COL17A1: variants seen among roughly 807,000 people sequenced by gnomAD.
COL17A1 encodes the protein collagen type XVII alpha 1 chain.
Under a neutral mutation model 218.4 loss-of-function variants are expected in COL17A1, and 181 were observed. That is an observed-to-expected ratio of 0.83 (90% CI 0.73 to 0.94). The LOEUF (loss-of-function observed/expected upper bound fraction) is 0.94, where lower values mean the gene tolerates loss of function less well. COL17A1 is among the 40% of genes least tolerant of loss of function. The pLI is 0.00. For synonymous variants in COL17A1, 721 were observed against 731.0 expected (o/e 0.99, Z 0.22); for missense variants, 1,924 against 1,945.9 (o/e 0.99, Z 0.21).
In COL17A1 at chr10:104,034,625, G is replaced by T; in HGVS notation, c.3762C>A (p.Leu1254=). ...DSFRSELISY[L]TSPDVRSFIV... is the part of the protein sequence containing the mutation. Reference sequence around the variant, plus strand: ...CATCACCGTCGGGGCACCTACTTGTGAGGTAGCTGATCAGCTCGCTCCGGA... The same window carrying T: ...CATCACCGTCGGGGCACCTACTTGTTAGGTAGCTGATCAGCTCGCTCCGGA... Residue 1254 remains leucine (L), a synonymous_variant, in exon 51 of 56, where the codon CTC becomes CTA. Coordinates refer to ENST00000648076, the MANE Select transcript of COL17A1 (RefSeq NM_000494.4). 1 of 1,609,974 alleles carries T rather than the reference G, an allele frequency of 6.2e-7. No homozygotes were observed. Among genetic ancestry groups the T allele is most frequent in the South Asian group, 1.1e-5 (1 of 89,870 alleles).
chr10:104,069,141 C>T (rs1010202555), intron 9 of COL17A1, among the ~76,000 whole-genome samples: 3 of 152,110 alleles, frequency 2.0e-5, no homozygotes, highest in Non-Finnish European at 2.9e-5. Flanking sequence ...AGGAAGACCT[C>T]CTGGGTTAAG....
intron 31 of COL17A1, among the ~76,000 whole-genome samples, chr10:104,047,365 C>T (rs765129782): frequency 2.6e-5 from 4 of 152,202 alleles, no homozygotes; most frequent in East Asian, 3.9e-4. Context: ...AGCAAGATAG[C>T]GAGGTGACCT....
rs1032376837 is a variant in COL17A1, at chr10:104,079,921, C to A, written c.52+701G>T. 1.0e-4 allele frequency among the ~76,000 whole-genome samples: 8 copies of A among 79,886 alleles called. No individual in the cohort carries two copies. The East Asian group carries it at 2.0e-3, about 20-fold the overall frequency. The allele number at this position is 79,886 out of a possible 152,430, so 52.4% of individuals were successfully genotyped here. On this transcript the variant is annotated intron_variant, in intron 2 of 55. Transcript: ENST00000648076. Reference sequence around the variant, plus strand: ...CAGCCTGGGCAACAGAGCAAGACTCCGTCTCAAAAAAAAAAAAAAAGGAAA... The same window carrying A: ...CAGCCTGGGCAACAGAGCAAGACTCAGTCTCAAAAAAAAAAAAAAAGGAAA...
chr10:104,058,140 AC>A lies in COL17A1; in HGVS notation c.1267+5del. 6.2e-7 allele frequency: 1 copy of A among 1,614,128 alleles called. No homozygotes were observed. Among genetic ancestry groups the A allele is most frequent in the Non-Finnish European group, 8.5e-7 (1 of 1,180,028 alleles). Reference sequence around the variant, plus strand: ...TGTCACTGCAGGGTTCGCGGTTCTCACCCACCTGCAGTGGTGGTCTTGCCCT... The same window carrying A: ...TGTCACTGCAGGGTTCGCGGTTCTCACCACCTGCAGTGGTGGTCTTGCCCT... On this transcript the variant is annotated splice_donor_5th_base_variant and intron_variant, in intron 16 of 55. Transcript: ENST00000648076.
In COL17A1 at chr10:104,032,162, C is replaced by T; in HGVS notation, c.*73G>A. ...ACATTGACAGACTCCAGCTTTCACC[C>T]TCTGGAGACCTTGGACCTAAGTGCC... is the stretch of plus-strand genomic sequence containing the variant. On this transcript the variant is annotated 3_prime_UTR_variant, in exon 56 of 56. Transcript: ENST00000648076. 1.6e-6 allele frequency: 2 copies of T among 1,213,704 alleles called. No individual in the cohort carries two copies. The highest frequency in any genetic ancestry group is 2.4e-6 in the Non-Finnish European group (2 of 817,752). The allele number at this position is 1,213,704 out of a possible 1,614,324, so 75.2% of individuals were successfully genotyped here.
At position 104,070,309 on chromosome 10, in the gene COL17A1, G is replaced by A. The variant is rs1229134734; in HGVS notation, c.607+117C>T. On this transcript the variant is annotated intron_variant, in intron 9 of 55. Coordinates refer to ENST00000648076, the MANE Select transcript of COL17A1 (RefSeq NM_000494.4). ...TGTGCTAGCTGGAATGAGATTTGGT[G>A]GGCCCCAATTTCAAGTCTCACTTTC... 4 of 1,548,092 alleles carry A rather than the reference G, an allele frequency of 2.6e-6. No homozygotes were observed. The African/African-American group carries it at 5.5e-5, about 21-fold the overall frequency.
Position 104,039,102 on chromosome 10 carries a change from C to CCCTGGAACACCTGGATCA in COL17A1, c.2898_2915dup (p.Asp967_Gly972dup). ...AAGGACCACTAGGAATGCCAAGAGC[C>CCCTGGAACACCTGGATCA]CCTGGAACACCTGGATCACCTGGAA... On this transcript the variant is annotated inframe_insertion, in exon 44 of 56. Coordinates refer to ENST00000648076, the MANE Select transcript of COL17A1 (RefSeq NM_000494.4). The CCCTGGAACACCTGGATCA allele has an allele frequency of 6.2e-7, 1 of 1,614,142 alleles. No homozygotes were observed. Among genetic ancestry groups the CCCTGGAACACCTGGATCA allele is most frequent in the East Asian group, 2.2e-5 (1 of 44,884 alleles).
In COL17A1 at chr10:104,038,229, CAT is replaced by C. The variant is rs1342347862; in HGVS notation, c.3070+175_3070+176del. 1.8e-4 allele frequency among the ~76,000 whole-genome samples: 17 copies of C among 94,762 alleles called. No homozygotes were observed. In the East Asian group the frequency reaches 2.7e-3, roughly 15 times the overall value. 62.2% of individuals were successfully genotyped at this position (94,762 alleles called of 152,430 possible). A position where few individuals can be genotyped will look rare whatever the true frequency, so the allele number is the denominator to read the frequency against. Reference sequence around the variant, plus strand: ...ACCTGGGCCTGGACACATAGACACACATACACACACACACACACACACACACA... The same window carrying C: ...ACCTGGGCCTGGACACATAGACACACACACACACACACACACACACACACA... On this transcript the variant is annotated intron_variant, in intron 45 of 55. Transcript: ENST00000648076.
intron 43 of COL17A1, 138 bp from the exon 44 acceptor site, chr10:104,039,259 C>A (rs1471664638): frequency 3.9e-6 from 4 of 1,024,074 alleles, no homozygotes; most frequent in Non-Finnish European, 4.5e-6. Context: ...ACCACAGCTC[C>A]CTTGTACAGA....
At chr10:104,050,024 CCT>C in intron 28 of COL17A1, 63 bp downstream of exon 28, 1 of 1,612,342 alleles carries the variant, frequency 6.2e-7, no homozygotes, top group East Asian at 2.2e-5. Flanking sequence ...TTTTTTCCAA[CCT>C]AGTGACTGAT....
intron 1 of COL17A1, among the ~76,000 whole-genome samples, chr10:104,081,197 T>A (rs536982243): frequency 2.0e-5 from 3 of 152,308 alleles, no homozygotes; most frequent in African/African-American, 7.2e-5. Context: ...TAAATCAGGA[T>A]AAAAATAATT....
intron 48 of COL17A1, among the ~76,000 whole-genome samples, chr10:104,036,189 T>A (rs1589556781): frequency 0.017 from 3 of 178 alleles, no homozygotes; most frequent in East Asian, 0.17. Context: ...TGGAAGTGAG[T>A]GTGTGTGTGT....
At chr10:104,052,780 C>T (rs2086483032) in intron 23 of COL17A1, among the ~76,000 whole-genome samples, 3 of 152,212 alleles carry the variant, frequency 2.0e-5, no homozygotes, top group Admixed American at 1.3e-4. Flanking sequence ...AGGAAGGCCA[C>T]TGCTCCTGTG....
At chr10:104,047,842 T>C in intron 30 of COL17A1, 32 bp from the exon 31 acceptor site, 2 of 1,583,722 alleles carry the variant, frequency 1.3e-6, no homozygotes, top group Non-Finnish European at 1.7e-6. Context: ...TGGAAGTGTT[T>C]ACATTTAGGA....
intron 33 of COL17A1, among the ~76,000 whole-genome samples, chr10:104,044,509 A>G (rs1021885326): frequency 6.6e-6 from 1 of 152,154 alleles, no homozygotes; most frequent in Non-Finnish European, 1.5e-5. Context: ...ACCATTCTTT[A>G]GGGGCCCCTT....
intron 1 of COL17A1, among the ~76,000 whole-genome samples, chr10:104,082,919 C>T (rs374687339): frequency 1.3e-5 from 2 of 152,272 alleles, no homozygotes; most frequent in East Asian, 1.9e-4. Flanking sequence ...AGATGCCCTC[C>T]TTCAGGGCCT....
intron 43 of COL17A1, 54 bp from the exon 44 acceptor site, chr10:104,039,175 T>G (rs1332927241): frequency 6.3e-7 from 1 of 1,576,938 alleles, no homozygotes; most frequent in African/African-American, 1.3e-5. Context: ...CCTTCCCTGG[T>G]TAAGCCAAAC....
intron 48 of COL17A1, among the ~76,000 whole-genome samples, chr10:104,035,966 G>C (rs2086282997): frequency 6.9e-6 from 1 of 144,382 alleles, no homozygotes; most frequent in Admixed American, 7.0e-5. Context: ...ACAGGAGTAT[G>C]GGAGTGTGTT....
chr10:104,067,130 G>T (rs759004877), intron 9 of COL17A1, among the ~76,000 whole-genome samples: 12 of 152,174 alleles, frequency 7.9e-5, no homozygotes, highest in Non-Finnish European at 1.5e-4. Flanking sequence ...AAGGAGTCCC[G>T]CCAGCTGAGC....
Sources: gnomAD v4.1 joint callset for allele counts (sites outside exome capture counted in the v4.1 genomes callset) on GRCh38, gnomAD v4.1.1 for gene constraint, MANE v1.5 for transcripts, NCBI Gene and HGNC (gene_info 2026-07-23, HGNC 2026-07-21) for gene names.